Variants in ANK2 observed in about 807,000 individuals in gnomAD.
ANK2 encodes ankyrin-2.
Under a neutral mutation model 360.5 loss-of-function variants are expected in ANK2, and 83 were observed. The observed-to-expected ratio is 0.23, with a 90% CI of 0.19 to 0.28. ANK2 has a LOEUF of 0.28. ANK2 is among the 10% of genes least tolerant of loss of function. ANK2 has a pLI of 1.00. For missense variants in ANK2, 4,201 were observed against 4,795.7 expected (o/e 0.88, Z 3.66); for synonymous variants, 1,740 against 1,759.5 (o/e 0.99, Z 0.28).
At chr4:113,340,848 C>CA (rs1224495854) in intron 32 of ANK2, among the ~76,000 whole-genome samples, 1,068 of 73,960 alleles carry the variant, frequency 0.014, 4 homozygotes, top group East Asian at 0.032. Context: ...GACAACGTCT[C>CA]AAAAAAAAAA....
chr4:112,773,719 C>G, the ANK2 span, among the ~76,000 whole-genome samples: 60 of 152,296 alleles, frequency 3.9e-4, no homozygotes, highest in East Asian at 0.01. Flanking sequence ...GTAACAGATA[C>G]AATATGTATT....
chr4:113,179,305 T>C (rs1297347658), intron 2 of ANK2, among the ~76,000 whole-genome samples: 2 of 152,204 alleles, frequency 1.3e-5, no homozygotes, highest in African/African-American at 4.8e-5. Flanking sequence ...CTGTTGCATT[T>C]CTCAATGAAA....
At chr4:113,363,751 G>T (rs1219551084) in intron 40 of ANK2, among the ~76,000 whole-genome samples, 1 of 152,120 alleles carries the variant, frequency 6.6e-6, no homozygotes, top group Non-Finnish European at 1.5e-5. Context: ...ACATCCCAAA[G>T]ATGTGCACAT....
At chr4:112,846,600 C>G (rs1301906888) in intron 1 of ANK2, among the ~76,000 whole-genome samples, 1 of 152,134 alleles carries the variant, frequency 6.6e-6, no homozygotes, top group Admixed American at 6.5e-5. Flanking sequence ...CTTCCTGTCT[C>G]TGTGGTTTTC....
chr4:112,893,218 G>A (rs557940103), intron 1 of ANK2, among the ~76,000 whole-genome samples: 3 of 152,228 alleles, frequency 2.0e-5, no homozygotes, highest in Non-Finnish European at 2.9e-5. Flanking sequence ...ACCTATAAGT[G>A]TGAATATTAT....
intron 1 of ANK2, among the ~76,000 whole-genome samples, chr4:113,106,448 C>A (rs1375147791): frequency 6.6e-6 from 1 of 152,156 alleles, no homozygotes. Flanking sequence ...AGCTGCCTCT[C>A]CAGAAGGCCC....
chr4:112,871,295 C>T (rs1440507896), intron 1 of ANK2, among the ~76,000 whole-genome samples: 1 of 152,122 alleles, frequency 6.6e-6, no homozygotes, highest in Non-Finnish European at 1.5e-5. Context: ...AAGCAATTCT[C>T]CTGCCTCAGC....
At chr4:113,146,067 T>A in intron 1 of ANK2, 1 of 1,279,634 alleles carries the variant, frequency 7.8e-7, no homozygotes, top group South Asian at 1.3e-5. Flanking sequence ...ACAGTAGACC[T>A]CATTGGTCAG....
intron 4 of ANK2, among the ~76,000 whole-genome samples, chr4:113,206,119 C>T (rs190898034): frequency 6.6e-6 from 1 of 152,188 alleles, no homozygotes; most frequent in Non-Finnish European, 1.5e-5. Context: ...TTCCAGGATA[C>T]ATGTGCAGAA....
intron 1 of ANK2, among the ~76,000 whole-genome samples, chr4:113,108,600 GA>G (rs1163207478): frequency 6.6e-6 from 1 of 152,112 alleles, no homozygotes; most frequent in Non-Finnish European, 1.5e-5. Flanking sequence ...CATTTATAGA[GA>G]AAATGGAAAC....
chr4:113,074,138 GAAT>G (rs1299406055), intron 1 of ANK2, among the ~76,000 whole-genome samples: 2 of 152,154 alleles, frequency 1.3e-5, no homozygotes, highest in Non-Finnish European at 1.5e-5. Context: ...AATGTGTTGT[GAAT>G]AATAACATAT....
intron 11 of ANK2, among the ~76,000 whole-genome samples, chr4:113,256,682 T>C (rs1300320157): frequency 6.6e-6 from 1 of 152,236 alleles, no homozygotes; most frequent in Non-Finnish European, 1.5e-5. Context: ...AATCCTTTTT[T>C]TCTATGTGTT....
chr4:112,751,584 A>T, the ANK2 span, among the ~76,000 whole-genome samples: 1 of 151,558 alleles, frequency 6.6e-6, no homozygotes, highest in Non-Finnish European at 1.5e-5. Flanking sequence ...TAGGCCCTAA[A>T]GGATGAGAAG....
chr4:113,237,677 C>A, intron 7 of ANK2, 55 bp downstream of exon 7: 1 of 1,473,882 alleles, frequency 6.8e-7, no homozygotes, highest in Non-Finnish European at 9.5e-7. Context: ...TAGTTTTTGC[C>A]CAATTGGAAT....
intron 2 of ANK2, among the ~76,000 whole-genome samples, chr4:112,991,953 G>C (rs545523952): frequency 8.2e-4 from 124 of 151,762 alleles, no homozygotes; most frequent in African/African-American, 2.7e-3. Context: ...CTTAACGTCT[G>C]TATTTCTACA....
the ANK2 span, among the ~76,000 whole-genome samples, chr4:112,787,012 G>A: frequency 6.6e-6 from 1 of 152,056 alleles, no homozygotes; most frequent in Non-Finnish European, 1.5e-5. Flanking sequence ...GTCTCCCAAA[G>A]TGCTGGGATT....
At chr4:112,904,718 A>T (rs921590235) in intron 2 of ANK2, among the ~76,000 whole-genome samples, 3 of 152,134 alleles carry the variant, frequency 2.0e-5, no homozygotes, top group African/African-American at 7.2e-5. Flanking sequence ...TATCATTGGT[A>T]TCATTTGGGA....
intron 1 of ANK2, among the ~76,000 whole-genome samples, chr4:113,070,647 A>G (rs2077212997): frequency 6.6e-6 from 1 of 152,006 alleles, no homozygotes; most frequent in Non-Finnish European, 1.5e-5. Context: ...AACCAATCCA[A>G]CACTCTTTAT....
chr4:112,804,724 G>C, the ANK2 span, among the ~76,000 whole-genome samples: 5 of 152,138 alleles, frequency 3.3e-5, no homozygotes, highest in East Asian at 7.7e-4. Flanking sequence ...GAACATGTGA[G>C]GCAGGAGATT....
Sources: gnomAD v4.1 joint callset for allele counts (sites outside exome capture counted in the v4.1 genomes callset) on GRCh38, gnomAD v4.1.1 for gene constraint, MANE v1.5 for transcripts, NCBI Gene and HGNC (gene_info 2026-07-23, HGNC 2026-07-21) for gene names.